PCSK6: variants seen among roughly 807,000 people sequenced by gnomAD.
PCSK6 encodes the protein paired basic amino acid cleaving enzyme 4.
PCSK6 carries 85 observed loss-of-function variants against 123.3 expected under a neutral mutation model. The ratio of observed to expected loss-of-function variants is 0.69; its 90% CI spans 0.58 to 0.83. The LOEUF (loss-of-function observed/expected upper bound fraction) is 0.83. Ranked by LOEUF, PCSK6 falls within the 40% of genes least tolerant of loss-of-function variation. The pLI is 0.00. For synonymous variants in PCSK6, 508 were observed against 516.0 expected (o/e 0.98, Z 0.21); for missense variants, 1,191 against 1,282.3 (o/e 0.93, Z 1.09).
intron 13 of PCSK6, among the ~76,000 whole-genome samples, chr15:101,351,756 G>C (rs956288117): frequency 6.6e-6 from 1 of 152,162 alleles, no homozygotes; most frequent in Non-Finnish European, 1.5e-5. Flanking sequence ...CTTCATGGGT[G>C]GTGGGAAAAT....
intron 13 of PCSK6, among the ~76,000 whole-genome samples, chr15:101,349,053 C>T (rs2040823327): frequency 1.3e-5 from 2 of 152,348 alleles, no homozygotes; most frequent in South Asian, 4.1e-4. Context: ...GTCTTGGCTT[C>T]AACTTTCAGG....
At chr15:101,486,473 C>G (rs1039264816) in intron 1 of PCSK6, among the ~76,000 whole-genome samples, 1 of 152,160 alleles carries the variant, frequency 6.6e-6, no homozygotes, top group Non-Finnish European at 1.5e-5. Context: ...TTGGATTATC[C>G]ATGTAGTTAT....
In PCSK6 at chr15:101,431,422, A is replaced by G. The variant is rs373012569; in HGVS notation, c.555T>C (p.Asn185=). 6.2e-7 allele frequency: 1 copy of G among 1,613,924 alleles called. No homozygotes were observed. Among genetic ancestry groups the G allele is most frequent in the East Asian group, 2.2e-5 (1 of 44,880 alleles). Residue 185 remains asparagine, a synonymous_variant, in exon 4 of 22, where the codon AAT becomes AAC. Coordinates refer to ENST00000611716, the MANE Select transcript of PCSK6 (RefSeq NM_002570.5). ...DKNSRCRSEM[N]VQAAWKRGYT... The stretch of plus-strand genomic sequence containing the variant: ...AGCCCCTCTTCCACGCTGCCTGGAC[A>G]TTCATTTCCGACCGGCAGCGACTGT...
intron 21 of PCSK6, 129 bp downstream of exon 21, chr15:101,307,084 G>A (rs564099333): frequency 2.6e-5 from 17 of 661,162 alleles, no homozygotes; most frequent in South Asian, 1.9e-4. Context: ...ACAGTCAATC[G>A]GATCAGGGGC....
chr15:101,366,294 T>C lies in PCSK6; in HGVS notation c.1760A>G (p.Glu587Gly). ...TCCCCAGCAGTGGACAGTCATGAAT[T>C]CCCAGTTTGTAAACCCTTCATTGGA... ...DLSNEGFTNW[E>G]FMTVHCWGEK... The change falls in exon 13 of 22, where the codon GAA becomes GGA. Residue 587 changes from glutamate (E) to glycine (G), a missense_variant. Coordinates refer to ENST00000611716, the MANE Select transcript of PCSK6 (RefSeq NM_002570.5). 2 of 1,613,446 alleles carry C rather than the reference T, an allele frequency of 1.2e-6. No homozygotes were observed. Among genetic ancestry groups the C allele is most frequent in the African/African-American group, 1.3e-5 (1 of 74,982 alleles).
intron 10 of PCSK6, 55 bp from the exon 11 acceptor site, chr15:101,382,264 C>A: frequency 7.3e-7 from 1 of 1,364,068 alleles, no homozygotes; most frequent in Non-Finnish European, 1.0e-6. Flanking sequence ...AGGAAGGGAG[C>A]AAGGCTGGCT....
chr15:101,414,969 G>A (rs987350569), intron 6 of PCSK6, among the ~76,000 whole-genome samples: 2 of 152,104 alleles, frequency 1.3e-5, no homozygotes, highest in East Asian at 1.9e-4. Flanking sequence ...AAATAAATTC[G>A]CAAGTGTGCT....
At chr15:101,484,871 T>A (rs1305474400) in intron 1 of PCSK6, among the ~76,000 whole-genome samples, 1 of 152,214 alleles carries the variant, frequency 6.6e-6, no homozygotes, top group African/African-American at 2.4e-5. Flanking sequence ...TTCTCTATTC[T>A]ACTTCAGGGA....
At position 101,324,985 on chromosome 15, in the gene PCSK6, G is replaced by A. The variant is rs374720317; in HGVS notation, c.2242C>T (p.Arg748Trp). 39 of 1,612,734 alleles carry A rather than the reference G, an allele frequency of 2.4e-5. No homozygotes were observed. The highest frequency in any genetic ancestry group is 1.1e-4 in the African/African-American group (8 of 74,940). Residue 748 changes from arginine (R) to tryptophan (W), a missense_variant, in exon 17 of 22, where the codon CGG becomes TGG. Arg to Trp is a moderately radical substitution (Grantham distance 101). Coordinates refer to ENST00000611716, the MANE Select transcript of PCSK6 (RefSeq NM_002570.5). The part of the protein sequence containing the change: ...FGDTAARRCR[R>W]CHKGCETCSS... ...CAGGTCTCACACCCCTTGTGGCACC[G>A]GCGACAGCGTCTTGCTGCTGTGTCC...
chr15:101,319,390 G>A (rs149329459), intron 18 of PCSK6, among the ~76,000 whole-genome samples: 3 of 151,992 alleles, frequency 2.0e-5, no homozygotes, highest in South Asian at 2.1e-4. Flanking sequence ...TAAGAAATAT[G>A]TGAAGAGAAA....
At chr15:101,386,033 G>C (rs1237967717) in intron 9 of PCSK6, among the ~76,000 whole-genome samples, 1 of 151,172 alleles carries the variant, frequency 6.6e-6, no homozygotes, top group Non-Finnish European at 1.5e-5. Flanking sequence ...TTTCCTTCCA[G>C]ACCATCTTCC....
chr15:101,383,715 A>G (rs2041974046), intron 10 of PCSK6, among the ~76,000 whole-genome samples: 1 of 152,200 alleles, frequency 6.6e-6, no homozygotes, highest in Non-Finnish European at 1.5e-5. Context: ...TCACAGAGCT[A>G]CTCAGGGCTA....
intron 6 of PCSK6, among the ~76,000 whole-genome samples, chr15:101,415,313 G>C (rs12912500): frequency 0.29 from 43,758 of 152,170 alleles, 6,518 homozygotes; most frequent in African/African-American, 0.36. Context: ...AGCCAGGTCT[G>C]TGAAGGCCAC....
At chr15:101,445,425 G>C (rs556658144) in intron 1 of PCSK6, among the ~76,000 whole-genome samples, 1 of 152,192 alleles carries the variant, frequency 6.6e-6, no homozygotes, top group Admixed American at 6.5e-5. Context: ...CAGGCAGGTA[G>C]TAAGTGCTCG....
chr15:101,359,756 C>T (rs1430358746), intron 13 of PCSK6, among the ~76,000 whole-genome samples: 1 of 152,238 alleles, frequency 6.6e-6, no homozygotes, highest in African/African-American at 2.4e-5. Flanking sequence ...CTAAAGCTCG[C>T]TCAGCACCCA....
intron 6 of PCSK6, among the ~76,000 whole-genome samples, chr15:101,410,999 G>A (rs911994626): frequency 1.2e-4 from 19 of 152,224 alleles, no homozygotes; most frequent in African/African-American, 3.6e-4. Context: ...CAACCCAGGA[G>A]GAAGACTGAG....
At chr15:101,356,406 T>C (rs936401705) in intron 13 of PCSK6, among the ~76,000 whole-genome samples, 1 of 151,072 alleles carries the variant, frequency 6.6e-6, no homozygotes, top group African/African-American at 2.4e-5. Context: ...CACCCTGTAA[T>C]TGCAGCACTT....
intron 20 of PCSK6, among the ~76,000 whole-genome samples, chr15:101,311,036 A>G (rs2039847673): frequency 6.6e-6 from 1 of 152,082 alleles, no homozygotes; most frequent in South Asian, 2.1e-4. Flanking sequence ...TCCCTCATAA[A>G]TGGCCTCACA....
chr15:101,399,771 C>T (rs1168582028), intron 6 of PCSK6, among the ~76,000 whole-genome samples: 2 of 151,986 alleles, frequency 1.3e-5, no homozygotes, highest in African/African-American at 2.4e-5. Flanking sequence ...TCTTGCCACC[C>T]GACCCTGGGT....
Sources: allele counts gnomAD v4.1 joint callset (sites outside exome capture counted in the v4.1 genomes callset), GRCh38; gene constraint gnomAD v4.1.1; transcripts MANE v1.5; gene names NCBI Gene and HGNC (gene_info 2026-07-23, HGNC 2026-07-21).